PAH: variants seen among roughly 807,000 people sequenced by gnomAD.
PAH encodes phenylalanine hydroxylase.
Under a neutral mutation model 62.0 loss-of-function variants are expected in PAH, and 64 were observed. The observed-to-expected ratio is 1.03, with a 90% CI of 0.84 to 1.27. The LOEUF (loss-of-function observed/expected upper bound fraction) is 1.27, where lower values mean the gene tolerates loss of function less well. Ranked by LOEUF, PAH falls within the 50% of genes most tolerant of loss-of-function variation. The pLI, the probability that PAH is intolerant of heterozygous loss-of-function variation, is 0.00. For missense variants in PAH, 579 were observed against 542.8 expected, an observed-to-expected ratio of 1.07 and a Z score of -0.66; for synonymous variants, 195 against 196.2, an observed-to-expected ratio of 0.99 and a Z score of 0.05.
Position 102,839,011 on chromosome 12 carries a change from T to A in PAH, c.*164A>T. 1.5e-6 allele frequency: 1 copy of A among 676,460 alleles called. No individual in the cohort carries two copies. The highest frequency in any genetic ancestry group is 1.7e-5 in the South Asian group (1 of 57,876). 41.9% of individuals were successfully genotyped at this position (676,460 alleles called of 1,614,324 possible). On this transcript the variant is annotated 3_prime_UTR_variant, in exon 13 of 13. Coordinates refer to ENST00000553106, the MANE Select transcript of PAH (RefSeq NM_000277.3). ...CTCTTGAGTATGTACTCATATCCTGTCATTTCAGATTATTTTGACTTATTT... is the reference window on the plus strand; with the variant it reads ...CTCTTGAGTATGTACTCATATCCTGACATTTCAGATTATTTTGACTTATTT...
chr12:102,860,072 A>T (rs1875647215), intron 5 of PAH, among the ~76,000 whole-genome samples: 1 of 152,244 alleles, frequency 6.6e-6, no homozygotes, highest in Non-Finnish European at 1.5e-5. Context: ...TTGTATATTT[A>T]GAAAACCCCA....
intron 5 of PAH, among the ~76,000 whole-genome samples, chr12:102,865,366 A>G (rs1008454954): frequency 2.0e-5 from 3 of 152,200 alleles, no homozygotes; most frequent in African/African-American, 7.2e-5. Context: ...AAACCTGATT[A>G]TGTCACATAC....
chr12:102,890,814 G>C (rs1317586113), intron 3 of PAH, among the ~76,000 whole-genome samples: 1 of 152,116 alleles, frequency 6.6e-6, no homozygotes, highest in Non-Finnish European at 1.5e-5. Context: ...CGGGCACTGT[G>C]GCTCACACTT....
In PAH at chr12:102,855,273, A is replaced by G. The variant is rs62514919; in HGVS notation, c.569T>C (p.Val190Ala). 5.0e-6 allele frequency: 8 copies of G among 1,613,994 alleles called. No individual in the cohort carries two copies. The highest frequency in any genetic ancestry group is 6.8e-6 in the Non-Finnish European group (8 of 1,179,970). Residue 190 changes from valine (V) to alanine (A), a missense_variant, in exon 6 of 13, where the codon GTG becomes GCG. By Grantham distance (64) the Val-to-Ala change is moderately conservative (BLOSUM62 0). Coordinates refer to ENST00000553106, the MANE Select transcript of PAH (RefSeq NM_000277.3). ...ATACAAGGACTTCAGAGTCTTGAACACTGTGCCCCATGTTTTCTTTTCTTC... is the reference window on the plus strand; with the variant it reads ...ATACAAGGACTTCAGAGTCTTGAACGCTGTGCCCCATGTTTTCTTTTCTTC... Reference protein sequence around the residue: ...MEEEKKTWGTVFKTLKSLYKT... With the variant: ...MEEEKKTWGTAFKTLKSLYKT...
At chr12:102,889,203 C>T (rs994949124) in intron 3 of PAH, among the ~76,000 whole-genome samples, 4 of 152,156 alleles carry the variant, frequency 2.6e-5, no homozygotes, top group Non-Finnish European at 5.9e-5. Context: ...AGGGGCTTTT[C>T]AGAGCCCTCT....
Position 102,891,739 on chromosome 12 carries a change from A to C in PAH, c.352+2996T>G, listed in dbSNP as rs1259434308. ...GAATCTGCACTCTTAACTCCCCCTC[A>C]ATGTCCCCACTAAGAACCTCCTTTC... On this transcript the variant is annotated intron_variant, in intron 3 of 12. Coordinates refer to ENST00000553106, the MANE Select transcript of PAH (RefSeq NM_000277.3). Among the ~76,000 whole-genome samples, 10 of 152,058 alleles carry C rather than the reference A, an allele frequency of 6.6e-5. No individual in the cohort carries two copies. The South Asian group carries it at 2.1e-3, about 32-fold the overall frequency.
chr12:102,896,861 T>C (rs909255520), intron 2 of PAH, among the ~76,000 whole-genome samples: 2 of 152,202 alleles, frequency 1.3e-5, no homozygotes, highest in Admixed American at 6.5e-5. Flanking sequence ...GGCTAGGTAC[T>C]TGGACAATGC....
At position 102,865,757 on chromosome 12, in the gene PAH, C is replaced by T. The variant is rs146828154; in HGVS notation, c.509+839G>A. ...CAGAAAAGCTTTCTCTCTCTTTTTC[C>T]GGAGGTTTTTCCATGTTGAAAGTAA... On this transcript the variant is annotated intron_variant, in intron 5 of 12. Coordinates refer to ENST00000553106, the MANE Select transcript of PAH (RefSeq NM_000277.3). 1.5e-3 allele frequency among the ~76,000 whole-genome samples: 223 copies of T among 152,218 alleles called. 1 individual carries two copies. Among genetic ancestry groups the T allele is most frequent in the African/African-American group, 4.6e-3 (192 of 41,534 alleles).
intron 5 of PAH, among the ~76,000 whole-genome samples, chr12:102,866,083 G>GAAAA (rs3062690): frequency 0.37 from 53,617 of 144,458 alleles, 10,299 homozygotes; most frequent in Non-Finnish European, 0.43. Flanking sequence ...CCCCAGACAG[G>GAAAA]AAAAAAAAAA....
intron 6 of PAH, among the ~76,000 whole-genome samples, chr12:102,854,202 C>T (rs1161349377): frequency 6.6e-6 from 1 of 152,144 alleles, no homozygotes; most frequent in South Asian, 2.1e-4. Context: ...GGTCATCTAA[C>T]TCACCCCCAA....
rs145502364 is a variant in PAH, at chr12:102,883,827, C to T, written c.353-6277G>A. Among the ~76,000 whole-genome samples, 31 of 152,302 alleles carry T rather than the reference C, an allele frequency of 2.0e-4. No individual in the cohort carries two copies. The East Asian group carries it at 5.8e-3, about 28-fold the overall frequency. ...TCATACACACTTTGGAGCCAGACCA[C>T]CTAGCTCCAATCTCTACTTTGGAAC... is the stretch of plus-strand genomic sequence containing the variant. On this transcript the variant is annotated intron_variant, in intron 3 of 12. Transcript: ENST00000553106.
intron 1 of PAH, among the ~76,000 whole-genome samples, chr12:102,931,154 G>A (rs1878856918): frequency 1.3e-5 from 2 of 151,872 alleles, no homozygotes; most frequent in African/African-American, 4.8e-5. Context: ...GCATTTACTT[G>A]GGTTTTTGTT....
chr12:102,951,967 T>C (rs1314549210), upstream of PAH, among the ~76,000 whole-genome samples: 1 of 152,124 alleles, frequency 6.6e-6, no homozygotes, highest in Non-Finnish European at 1.5e-5. Flanking sequence ...GTAGCTGAGG[T>C]GTTTCTATAC....
chr12:102,860,007 G>A (rs142615671), intron 5 of PAH, among the ~76,000 whole-genome samples: 208 of 152,038 alleles, frequency 1.4e-3, no homozygotes, highest in African/African-American at 4.7e-3. Flanking sequence ...AGAAATAAAC[G>A]GTATTCAATT....
chr12:102,845,189 C>T (rs1874782186), intron 9 of PAH, among the ~76,000 whole-genome samples: 1 of 152,220 alleles, frequency 6.6e-6, no homozygotes, highest in African/African-American at 2.4e-5. Flanking sequence ...GTGTCTCACT[C>T]TATCTAGTCA....
chr12:102,871,160 A>G (rs1308911184), intron 4 of PAH, among the ~76,000 whole-genome samples: 2 of 152,184 alleles, frequency 1.3e-5, no homozygotes, highest in African/African-American at 4.8e-5. Flanking sequence ...AAGTCTGGTG[A>G]GGCCACTTGC....
intron 1 of PAH, among the ~76,000 whole-genome samples, chr12:102,945,515 CAG>C (rs1201379361): frequency 6.6e-6 from 1 of 152,176 alleles, no homozygotes; most frequent in Non-Finnish European, 1.5e-5. Flanking sequence ...AGCCACAAGA[CAG>C]AGTTCTTCCC....
chr12:102,957,079 A>C lies in PAH; in HGVS notation c.-96+1116T>G, dbSNP rs1464301581. Among the ~76,000 whole-genome samples, 1 of 152,064 alleles carries C rather than the reference A, an allele frequency of 6.6e-6. No homozygotes were observed. Among genetic ancestry groups the C allele is most frequent in the Non-Finnish European group, 1.5e-5 (1 of 68,008 alleles). ...GTCCCTCCCCCAACCATGTTTCTAA[A>C]CTTCAATCGTAATTTGCTCCAATTT... On this transcript the variant is annotated intron_variant, in intron 1 of 4. Transcript: ENST00000551337. The surrounding 1 kb of genome is among the most constrained non-coding windows in gnomAD (Gnocchi z 4.1).
chr12:102,944,612 A>G (rs1879422391), intron 1 of PAH, among the ~76,000 whole-genome samples: 7 of 152,186 alleles, frequency 4.6e-5, no homozygotes, highest in Admixed American at 4.6e-4. Flanking sequence ...TAATTGTTTT[A>G]AATTTTGATA....
Sources: gnomAD v4.1 joint callset for allele counts (sites outside exome capture counted in the v4.1 genomes callset) on GRCh38, gnomAD v4.1.1 for gene constraint, Gnocchi (gnomAD v3.1) non-coding constraint, MANE v1.5 for transcripts, NCBI Gene and HGNC (gene_info 2026-07-23, HGNC 2026-07-21) for gene names.